Variants in MKLN1 observed in about 807,000 individuals in gnomAD.
The protein encoded by MKLN1 is muskelin 1.
MKLN1 carries 18 observed loss-of-function variants against 99.0 expected under a neutral mutation model. That is an observed-to-expected ratio of 0.18 (90% CI 0.13 to 0.27). MKLN1 has a LOEUF of 0.27. Ranked by LOEUF, MKLN1 falls within the 10% of genes least tolerant of loss-of-function variation. MKLN1 has a pLI of 1.00. For synonymous variants in MKLN1, 288 were observed against 293.2 expected (o/e 0.98, Z 0.18); for missense variants, 621 against 875.9 (o/e 0.71, Z 3.67).
intron 3 of MKLN1, among the ~76,000 whole-genome samples, chr7:131,223,413 C>T (rs1356520004): frequency 3.9e-5 from 6 of 152,154 alleles, no homozygotes; most frequent in Non-Finnish European, 8.8e-5. Context: ...CTGGCTGTGC[C>T]CCAGATGACT....
intron 3 of MKLN1, among the ~76,000 whole-genome samples, chr7:131,226,524 A>G (rs1407144766): frequency 6.6e-6 from 1 of 152,172 alleles, no homozygotes; most frequent in Non-Finnish European, 1.5e-5. Flanking sequence ...ATGTTTATCT[A>G]GTGTATTCAG....
At chr7:131,140,643 A>AT (rs1795717443) in intron 1 of MKLN1, among the ~76,000 whole-genome samples, 1 of 152,232 alleles carries the variant, frequency 6.6e-6, no homozygotes, top group Admixed American at 6.5e-5. Context: ...AGATCTTGCC[A>AT]GAAGCAGATA....
intron 3 of MKLN1, among the ~76,000 whole-genome samples, chr7:131,295,017 C>A (rs1426153959): frequency 1.3e-5 from 2 of 152,140 alleles, no homozygotes; most frequent in Non-Finnish European, 2.9e-5. Flanking sequence ...TGTAAGTTTT[C>A]TCTTTCCACA....
intron 1 of MKLN1, among the ~76,000 whole-genome samples, chr7:131,335,635 A>G (rs911707353): frequency 6.6e-6 from 1 of 151,184 alleles, no homozygotes; most frequent in African/African-American, 2.4e-5. Context: ...TTACATGTTC[A>G]TTATCATTTA....
chr7:131,195,856 C>T (rs939856181), intron 2 of MKLN1, among the ~76,000 whole-genome samples: 4 of 152,050 alleles, frequency 2.6e-5, no homozygotes, highest in African/African-American at 9.7e-5. Context: ...GAGGCTGAGG[C>T]AGGGGAACCG....
At chr7:131,313,629 G>C (rs1034972575) in intron 3 of MKLN1, among the ~76,000 whole-genome samples, 3 of 152,250 alleles carry the variant, frequency 2.0e-5, no homozygotes, top group South Asian at 2.1e-4. Flanking sequence ...TTTCAAGGAG[G>C]AGTTTGGGTG....
intron 3 of MKLN1, among the ~76,000 whole-genome samples, chr7:131,215,311 G>T (rs1451496305): frequency 6.6e-6 from 1 of 152,218 alleles, no homozygotes; most frequent in Non-Finnish European, 1.5e-5. Flanking sequence ...GCCTCCCAAA[G>T]TGGTGGGATT....
chr7:131,128,371 G>A (rs1795496297), intron 1 of MKLN1, among the ~76,000 whole-genome samples: 1 of 152,110 alleles, frequency 6.6e-6, no homozygotes, highest in Non-Finnish European at 1.5e-5. Context: ...TGACCTTGGA[G>A]TGGTAAAGGC....
At chr7:131,191,577 A>G (rs1584821373) in intron 2 of MKLN1, among the ~76,000 whole-genome samples, 1 of 152,182 alleles carries the variant, frequency 6.6e-6, no homozygotes, top group South Asian at 2.1e-4. Flanking sequence ...AGAATTTTCC[A>G]TTTACTTAAC....
At chr7:131,322,802 C>T in intron 3 of MKLN1, among the ~76,000 whole-genome samples, 1 of 151,462 alleles carries the variant, frequency 6.6e-6, no homozygotes, top group Non-Finnish European at 1.5e-5. Flanking sequence ...GATCTCCTGA[C>T]CTCATGATCC....
At chr7:131,420,533 G>A (rs1333304255) in intron 8 of MKLN1, among the ~76,000 whole-genome samples, 1 of 152,202 alleles carries the variant, frequency 6.6e-6, no homozygotes, top group South Asian at 2.1e-4. Context: ...GACAAGTTAA[G>A]TCTGAGATGC....
At chr7:131,402,576 G>T (rs999617179) in intron 6 of MKLN1, among the ~76,000 whole-genome samples, 1 of 152,130 alleles carries the variant, frequency 6.6e-6, no homozygotes, top group Admixed American at 6.5e-5. Flanking sequence ...AGGAATCACT[G>T]TCTGTGGCAA....
At chr7:131,442,833 A>G (rs1201752101) in intron 10 of MKLN1, among the ~76,000 whole-genome samples, 2 of 152,226 alleles carry the variant, frequency 1.3e-5, no homozygotes, top group East Asian at 3.8e-4. Flanking sequence ...CTTGAGTTGA[A>G]AGAATGGAAG....
intron 4 of MKLN1, among the ~76,000 whole-genome samples, chr7:131,390,968 A>G (rs1213414517): frequency 1.3e-5 from 2 of 152,156 alleles, no homozygotes; most frequent in East Asian, 3.8e-4. Flanking sequence ...GGATATTAAT[A>G]TATAGATAAC....
chr7:131,266,426 C>T (rs540049806), intron 3 of MKLN1, among the ~76,000 whole-genome samples: 2 of 152,276 alleles, frequency 1.3e-5, no homozygotes, highest in Non-Finnish European at 2.9e-5. Context: ...CTCATTCATA[C>T]AATACCTAAT....
chr7:131,257,428 A>C (rs1797672895), intron 3 of MKLN1, among the ~76,000 whole-genome samples: 1 of 152,216 alleles, frequency 6.6e-6, no homozygotes, highest in South Asian at 2.1e-4. Context: ...AAAACAAACC[A>C]AAACTTATGG....
chr7:131,376,134 A>ATATATATATG (rs1563318300), intron 2 of MKLN1, among the ~76,000 whole-genome samples: 1 of 2,656 alleles, frequency 3.8e-4, no homozygotes, highest in Non-Finnish European at 1.9e-3. Flanking sequence ...ATATATATAT[A>ATATATATATG]TGTATGATGT....
At chr7:131,205,433 A>G (rs570835198) in intron 3 of MKLN1, among the ~76,000 whole-genome samples, 19 of 152,310 alleles carry the variant, frequency 1.2e-4, no homozygotes, top group Admixed American at 2.6e-4. Flanking sequence ...TTATTTGGTG[A>G]TATGAAAACT....
intron 2 of MKLN1, chr7:131,202,713 A>G (rs1231284691): frequency 6.6e-6 from 1 of 152,144 alleles, no homozygotes; most frequent in Non-Finnish European, 1.5e-5. Context: ...CCCATGGTGG[A>G]GTGGAGGGGA....
Sources: gnomAD v4.1 joint callset for allele counts (sites outside exome capture counted in the v4.1 genomes callset) on GRCh38, gnomAD v4.1.1 for gene constraint, MANE v1.5 for transcripts, NCBI Gene and HGNC (gene_info 2026-07-23, HGNC 2026-07-21) for gene names.